The following N4BP2L2 variants were observed in gnomAD, a reference collection of about 807,000 sequenced individuals.
N4BP2L2 encodes NEDD4 binding protein 2 like 2.
In N4BP2L2, 50 loss-of-function variants were observed where a neutral mutation model predicts 56.2. That is an observed-to-expected ratio of 0.89 (90% CI 0.71 to 1.13). N4BP2L2 has a LOEUF of 1.13. Among genes scored for constraint, N4BP2L2 ranks in the 50% most tolerant of loss-of-function variants. N4BP2L2 has a pLI of 0.00. For missense variants in N4BP2L2, 689 were observed against 693.8 expected (o/e 0.99, Z 0.08); for synonymous variants, 203 against 223.6 (o/e 0.91, Z 0.82).
chr13:32,478,224 G>T, intron 6 of N4BP2L2: 1 of 388,824 alleles, frequency 2.6e-6, no homozygotes, highest in Non-Finnish European at 4.5e-6. Context: ...TTTAAGAAGC[G>T]TACCACTGCA....
chr13:32,475,904 GA>G (rs1333623579), intron 6 of N4BP2L2, among the ~76,000 whole-genome samples: 2 of 152,124 alleles, frequency 1.3e-5, no homozygotes, highest in Non-Finnish European at 2.9e-5. Flanking sequence ...GGCAAAGGGA[GA>G]AGGGCAGGAA....
chr13:32,433,556 C>G (rs544610693), intron 9 of N4BP2L2, among the ~76,000 whole-genome samples: 7 of 152,034 alleles, frequency 4.6e-5, no homozygotes, highest in African/African-American at 1.7e-4. Context: ...TCGCTTGAAC[C>G]TGGGAGGTGG....
At chr13:32,469,474 G>C (rs2081893754) in intron 6 of N4BP2L2, among the ~76,000 whole-genome samples, 1 of 152,210 alleles carries the variant, frequency 6.6e-6, no homozygotes, top group African/African-American at 2.4e-5. Flanking sequence ...CCTGTGGGAT[G>C]CAGCGCAGGG....
intron 6 of N4BP2L2, among the ~76,000 whole-genome samples, chr13:32,466,710 A>C (rs2081304818): frequency 6.6e-6 from 1 of 152,176 alleles, no homozygotes; most frequent in Non-Finnish European, 1.5e-5. Flanking sequence ...TCCTTTAGGA[A>C]AAAAGGAAGG....
intron 6 of N4BP2L2, among the ~76,000 whole-genome samples, chr13:32,445,480 C>T (rs2076919734): frequency 6.6e-6 from 1 of 152,090 alleles, no homozygotes; most frequent in African/African-American, 2.4e-5. Context: ...CAGAATGGGA[C>T]AAATTTAGTG....
At chr13:32,438,708 G>A (rs1387107707) in exon 8 of N4BP2L2, 1 of 1,610,468 alleles carries the variant, frequency 6.2e-7, no homozygotes. Flanking sequence ...CAGTCAAGGG[G>A]AACCACATAG....
At chr13:32,495,057 G>A (rs1386162787) in intron 6 of N4BP2L2, among the ~76,000 whole-genome samples, 1 of 151,456 alleles carries the variant, frequency 6.6e-6, no homozygotes, top group African/African-American at 2.4e-5. Context: ...CTTCCAATTA[G>A]CTCCAGCGAA....
chr13:32,522,148 A>T, intron 4 of N4BP2L2, 34 bp downstream of exon 4: 1 of 1,377,530 alleles, frequency 7.3e-7, no homozygotes, highest in Non-Finnish European at 1.0e-6. Context: ...TGACAAGAAT[A>T]AAAAATAAAA....
At chr13:32,536,915 T>C in exon 2 of N4BP2L2, 1 of 1,614,128 alleles carries the variant, frequency 6.2e-7, no homozygotes, top group South Asian at 1.1e-5. Context: ...AGCATTACTA[T>C]GATTGTGAAA....
chr13:32,517,398 C>A (rs1773849545), exon 6 of N4BP2L2: 1 of 994,652 alleles, frequency 1.0e-6, no homozygotes, highest in Admixed American at 5.5e-5. Flanking sequence ...GTCAGTATTT[C>A]TTGCATATTT....
rs534786327 is a variant in N4BP2L2 at position 32,501,542 on chromosome 13, C to T, written c.365+16315G>A. Reference sequence around the variant, plus strand: ...AAAAAATGAAAATATCGGCCGGGTGCGGTGGCTCACGCCTGTAATCCCAGC... The same window carrying T: ...AAAAAATGAAAATATCGGCCGGGTGTGGTGGCTCACGCCTGTAATCCCAGC... On this transcript the variant is annotated intron_variant, in intron 6 of 9. Coordinates refer to the N4BP2L2 transcript ENST00000357505. Among the ~76,000 whole-genome samples the T allele has an allele frequency of 2.6e-4, 39 of 151,872 alleles. 1 individual carries two copies. Among genetic ancestry groups the T allele is most frequent in the Admixed American group, 5.9e-4 (9 of 15,258 alleles).
chr13:32,459,218 C>T (rs1398386445), intron 6 of N4BP2L2, among the ~76,000 whole-genome samples: 1 of 151,920 alleles, frequency 6.6e-6, no homozygotes, highest in African/African-American at 2.4e-5. Flanking sequence ...TCTAATGATG[C>T]ACCTCAAGGA....
At chr13:32,492,272 A>ATTTTTTTTTTTTTTTTTTTTTT (rs1185615708) in intron 6 of N4BP2L2, among the ~76,000 whole-genome samples, 2 of 77,032 alleles carry the variant, frequency 2.6e-5, no homozygotes, top group African/African-American at 1.1e-4. Context: ...AAAACACCAA[A>ATTTTTTTTTTTTTTTTTTTTTT]ATTTTTTTTT....
chr13:32,517,816 T>C (rs2049579394), exon 6 of N4BP2L2: 1 of 1,613,010 alleles, frequency 6.2e-7, no homozygotes, highest in Admixed American at 1.7e-5. Flanking sequence ...TGATTATTTG[T>C]GACACAGACA....
rs139997642 is a variant in N4BP2L2 at position 32,464,013 on chromosome 13, TAAC to T, written c.366-19890_366-19888del. ...CAAATCCATGGGAAGAAATAAAAAA[TAAC>T]AACAACAACAAAAAAGACTAACAGC... On this transcript the variant is annotated intron_variant, in intron 6 of 9. Coordinates refer to the N4BP2L2 transcript ENST00000357505. Among the ~76,000 whole-genome samples, 33 of 122,600 alleles carry T rather than the reference TAAC, an allele frequency of 2.7e-4. No individual in the cohort carries two copies. The East Asian group carries it at 2.9e-3, about 11-fold the overall frequency. The allele number at this position is 122,600 out of a possible 152,430, so 80.4% of individuals were successfully genotyped here.
intron 5 of N4BP2L2, among the ~76,000 whole-genome samples, chr13:32,519,031 T>G (rs2050023234): frequency 6.6e-6 from 1 of 152,114 alleles, no homozygotes; most frequent in Non-Finnish European, 1.5e-5. Flanking sequence ...TTTATTTATC[T>G]TGGAAAAAGG....
intron 6 of N4BP2L2, among the ~76,000 whole-genome samples, chr13:32,465,912 A>C (rs2081145020): frequency 6.6e-6 from 1 of 152,154 alleles, no homozygotes; most frequent in African/African-American, 2.4e-5. Context: ...TCGGCCTCCC[A>C]AAGTGTTGGG....
Position 32,517,018 on chromosome 13 carries a change from A to T in N4BP2L2, c.*784T>A, listed in dbSNP as rs1440344319. ...GATATTCTATAGTACAAATCCTCTT[A>T]TGACCATGTTAAGCAACTGTCCAAA... is the stretch of plus-strand genomic sequence containing the variant. On this transcript the variant is annotated 3_prime_UTR_variant, in exon 6 of 6. Transcript: ENST00000267068. 3 of 970,346 alleles carry T rather than the reference A, an allele frequency of 3.1e-6. No individual in the cohort carries two copies. In the African/African-American group the frequency reaches 5.3e-5, roughly 17 times the overall value. 60.1% of individuals were successfully genotyped at this position (970,346 alleles called of 1,614,324 possible).
intron 6 of N4BP2L2, among the ~76,000 whole-genome samples, chr13:32,454,033 A>C (rs2078547730): frequency 6.6e-6 from 1 of 152,194 alleles, no homozygotes; most frequent in Admixed American, 6.5e-5. Context: ...TTAGGGAATA[A>C]GGGCTTTGAA....
Sources: allele counts gnomAD v4.1 joint callset (sites outside exome capture counted in the v4.1 genomes callset), GRCh38; gene constraint gnomAD v4.1.1; transcripts MANE v1.5; gene names NCBI Gene and HGNC (gene_info 2026-07-23, HGNC 2026-07-21).